The following SUPT3H variants were observed in gnomAD, a reference collection of about 807,000 sequenced individuals.
SUPT3H encodes the protein SPT3 homolog, SAGA and STAGA complex component.
A neutral mutation model predicts 44.3 loss-of-function variants in SUPT3H; 44 were observed. The ratio of observed to expected loss-of-function variants is 0.99; its 90% CI spans 0.78 to 1.28. The LOEUF (loss-of-function observed/expected upper bound fraction) is 1.28. Among genes scored for constraint, SUPT3H ranks in the 50% most tolerant of loss-of-function variants. The probability of loss-of-function intolerance (pLI) is 0.00; values close to 1 mark genes in which losing one functional copy is unlikely to be tolerated. For missense variants in SUPT3H, 380 were observed against 387.1 expected (o/e 0.98, Z 0.15); for synonymous variants, 124 against 125.6 (o/e 0.99, Z 0.09).
chr6:45,342,021 A>T (rs751737480), intron 2 of SUPT3H, among the ~76,000 whole-genome samples: 1 of 152,060 alleles, frequency 6.6e-6, no homozygotes, highest in Non-Finnish European at 1.5e-5. Context: ...CGGAGACTGG[A>T]CTGAAAAATA....
At chr6:44,813,943 T>A (rs1383822094) in intron 11 of SUPT3H, among the ~76,000 whole-genome samples, 1 of 151,994 alleles carries the variant, frequency 6.6e-6, no homozygotes, top group African/African-American at 2.4e-5. Context: ...GGATAGGATC[T>A]AAAAAAATCG....
chr6:45,088,654 G>A (rs1173244788), intron 3 of SUPT3H, among the ~76,000 whole-genome samples: 3 of 151,934 alleles, frequency 2.0e-5, no homozygotes, highest in Admixed American at 6.6e-5. Context: ...CATGGCTCAC[G>A]AACCCTGTGG....
chr6:44,956,496 ATAAAAAT>A lies in SUPT3H; in HGVS notation c.581-1896_581-1890del, dbSNP rs1562131495. 6.8e-3 allele frequency among the ~76,000 whole-genome samples: 53 copies of A among 7,794 alleles called. 14 individuals are homozygous for A. Among genetic ancestry groups the A allele is most frequent in the African/African-American group, 0.014 (26 of 1,868 alleles). 5.1% of individuals were successfully genotyped at this position (7,794 alleles called of 152,430 possible). On this transcript the variant is annotated intron_variant, in intron 7 of 10. Coordinates refer to ENST00000371459, the MANE Select transcript of SUPT3H (RefSeq NM_003599.4). ...AAAAAAAAAAAAATAAAAAAAAAAA[ATAAAAAT>A]AAAAAAAAAAAAGTGTCTATTACCA...
chr6:45,339,181 A>G (rs1222742609), intron 2 of SUPT3H, among the ~76,000 whole-genome samples: 10 of 152,182 alleles, frequency 6.6e-5, no homozygotes, highest in Admixed American at 6.5e-4. Flanking sequence ...AGGGATTGAA[A>G]GAGTATTCCA....
chr6:45,160,293 G>A (rs1808724099), intron 2 of SUPT3H, among the ~76,000 whole-genome samples: 1 of 152,084 alleles, frequency 6.6e-6, no homozygotes, highest in Admixed American at 6.6e-5. Context: ...TATTAAAAGG[G>A]ACTTACAAAA....
chr6:45,182,321 C>T (rs941942402), intron 2 of SUPT3H, among the ~76,000 whole-genome samples: 15 of 152,254 alleles, frequency 9.9e-5, no homozygotes, highest in African/African-American at 2.9e-4. Context: ...AGTGTAGTGG[C>T]GCAATCTCGA....
intron 10 of SUPT3H, among the ~76,000 whole-genome samples, chr6:44,893,922 T>C (rs1220814633): frequency 7.0e-6 from 1 of 143,152 alleles, no homozygotes; most frequent in Non-Finnish European, 1.5e-5. Context: ...TTCTAACTGG[T>C]GTGAGATGGT....
At chr6:45,167,779 G>A (rs113063163) in intron 2 of SUPT3H, among the ~76,000 whole-genome samples, 4,482 of 151,356 alleles carry the variant, frequency 0.03, 93 homozygotes, top group Non-Finnish European at 0.047. Context: ...TTTTGACTCC[G>A]ATACTGGCAA....
At chr6:45,170,490 G>A (rs2153605878) in intron 2 of SUPT3H, among the ~76,000 whole-genome samples, 1 of 152,230 alleles carries the variant, frequency 6.6e-6, no homozygotes, top group Middle Eastern at 3.4e-3. Context: ...GAATACATCC[G>A]CAAATCCCCT....
chr6:45,035,890 T>C (rs1443267120), intron 3 of SUPT3H, among the ~76,000 whole-genome samples: 3 of 151,904 alleles, frequency 2.0e-5, no homozygotes, highest in Non-Finnish European at 1.5e-5. Flanking sequence ...AAATGGATGT[T>C]CTGGAAGAGA....
chr6:45,034,822 TAAG>T (rs1319339230), intron 3 of SUPT3H, among the ~76,000 whole-genome samples: 10 of 152,152 alleles, frequency 6.6e-5, no homozygotes, highest in African/African-American at 2.4e-4. Context: ...ATTTTACAGA[TAAG>T]AAATCTGTAG....
intron 2 of SUPT3H, among the ~76,000 whole-genome samples, chr6:45,279,750 T>C (rs1284844034): frequency 2.6e-5 from 4 of 152,190 alleles, no homozygotes; most frequent in African/African-American, 9.7e-5. Context: ...AAAAATGGCC[T>C]AATACAATGT....
intron 10 of SUPT3H, among the ~76,000 whole-genome samples, chr6:44,832,716 A>G (rs549200191): frequency 3.3e-5 from 5 of 152,118 alleles, no homozygotes; most frequent in Non-Finnish European, 7.4e-5. Flanking sequence ...TTGAGGACCC[A>G]ATTTTTGACA....
At position 44,961,742 on chromosome 6, in the gene SUPT3H, T is replaced by G. The variant is rs750418849; in HGVS notation, c.580+11A>C. On this transcript the variant is annotated intron_variant, in intron 7 of 10. Transcript: ENST00000371459. Reference sequence around the variant, plus strand: ...ATGCATATAATTAAGCAAAGTTAAATAGTTACTTACAGAAACTTAATTGTC... The same window carrying G: ...ATGCATATAATTAAGCAAAGTTAAAGAGTTACTTACAGAAACTTAATTGTC... 1 of 1,593,740 alleles carries G rather than the reference T, an allele frequency of 6.3e-7. No individual in the cohort carries two copies. The highest frequency in any genetic ancestry group is 2.2e-5 in the East Asian group (1 of 44,548).
intron 10 of SUPT3H, among the ~76,000 whole-genome samples, chr6:44,837,981 C>T (rs1770223553): frequency 6.6e-6 from 1 of 152,238 alleles, no homozygotes; most frequent in African/African-American, 2.4e-5. Flanking sequence ...CATTAAAACA[C>T]CATACAAGGA....
At chr6:45,128,533 A>AAATATATAT (rs1554257896) in intron 2 of SUPT3H, among the ~76,000 whole-genome samples, 2 of 52,260 alleles carry the variant, frequency 3.8e-5, no homozygotes, top group Non-Finnish European at 6.7e-5. Flanking sequence ...AAAAAAAAAA[A>AAATATATAT]ATATATATAT....
chr6:45,022,015 T>C (rs1583107864), intron 3 of SUPT3H, among the ~76,000 whole-genome samples: 1 of 152,028 alleles, frequency 6.6e-6, no homozygotes, highest in Non-Finnish European at 1.5e-5. Context: ...TTTCTAAAAA[T>C]TGGTAGAGTG....
chr6:45,181,611 C>T (rs1813207573), intron 2 of SUPT3H, among the ~76,000 whole-genome samples: 1 of 150,408 alleles, frequency 6.6e-6, no homozygotes, highest in African/African-American at 2.4e-5. Context: ...TAAACCATCG[C>T]AAGGACAAAA....
In SUPT3H at chr6:44,828,077, A is replaced by C. The variant is rs1767964943; in HGVS notation, c.*1739T>G. On this transcript the variant is annotated 3_prime_UTR_variant, in exon 11 of 11. Transcript: ENST00000371459. ...GCCTTGTGCATACTTTAAAATGTATAATGTGGGAGAGAAGGAATTTTGATG... is the reference window on the plus strand; with the variant it reads ...GCCTTGTGCATACTTTAAAATGTATCATGTGGGAGAGAAGGAATTTTGATG... 1.3e-5 allele frequency among the ~76,000 whole-genome samples: 2 copies of C among 152,138 alleles called. No individual in the cohort carries two copies. Among genetic ancestry groups the C allele is most frequent in the South Asian group, 2.1e-4 (1 of 4,834 alleles).
Sources: gnomAD v4.1 joint callset for allele counts (sites outside exome capture counted in the v4.1 genomes callset) on GRCh38, gnomAD v4.1.1 for gene constraint, MANE v1.5 for transcripts, NCBI Gene and HGNC (gene_info 2026-07-23, HGNC 2026-07-21) for gene names.